The following MACROD2 variants were observed in gnomAD, a reference collection of about 807,000 sequenced individuals.
The protein encoded by MACROD2 is ADP-ribose glycohydrolase MACROD2.
MACROD2 carries 36 observed loss-of-function variants against 70.4 expected under a neutral mutation model. The ratio of observed to expected loss-of-function variants is 0.51; its 90% confidence interval spans 0.39 to 0.68. The LOEUF (loss-of-function observed/expected upper bound fraction) is 0.68, where lower values mean the gene tolerates loss of function less well. Ranked by LOEUF, MACROD2 falls within the 30% of genes least tolerant of loss-of-function variation. The pLI is 0.00. For synonymous variants in MACROD2, 172 were observed against 178.8 expected, an observed-to-expected ratio of 0.96 and a Z score of 0.30; for missense variants, 496 against 538.4, an observed-to-expected ratio of 0.92 and a Z score of 0.78.
At chr20:14,169,913 A>G (rs551483987) in intron 3 of MACROD2, among the ~76,000 whole-genome samples, 1 of 151,772 alleles carries the variant, frequency 6.6e-6, no homozygotes, top group Admixed American at 6.6e-5. Context: ...TATCCCCCCA[A>G]GACAGAGTCT....
intron 3 of MACROD2, among the ~76,000 whole-genome samples, chr20:14,181,854 A>T (rs1248533007): frequency 1.3e-5 from 2 of 152,198 alleles, no homozygotes; most frequent in Non-Finnish European, 2.9e-5. Context: ...CTATTCTATT[A>T]TATGGCTATA....
chr20:14,762,575 A>G (rs1284160394), intron 5 of MACROD2, among the ~76,000 whole-genome samples: 1 of 152,068 alleles, frequency 6.6e-6, no homozygotes, highest in African/African-American at 2.4e-5. Context: ...CTTAGGGTAA[A>G]CTCCGCAAAA....
At chr20:14,955,294 A>G (rs1033933099) in intron 5 of MACROD2, among the ~76,000 whole-genome samples, 15 of 142,094 alleles carry the variant, frequency 1.1e-4, no homozygotes, top group Non-Finnish European at 2.0e-4. Context: ...TTTATATAAT[A>G]TAATATAATT....
chr20:15,352,022 T>G (rs2078232732), intron 6 of MACROD2, among the ~76,000 whole-genome samples: 1 of 152,168 alleles, frequency 6.6e-6, no homozygotes. Flanking sequence ...ACTCTGTTAG[T>G]TGGTGTTGGG....
chr20:15,460,200 C>A (rs2046788633), intron 7 of MACROD2, among the ~76,000 whole-genome samples: 1 of 152,144 alleles, frequency 6.6e-6, no homozygotes, highest in East Asian at 1.9e-4. Context: ...ATGGATAAAA[C>A]AAGACCCCAG....
In MACROD2 at chr20:15,000,539, C is replaced by G. The variant is rs374220388; in HGVS notation, c.419-229401C>G. On this transcript the variant is annotated intron_variant, in intron 5 of 17. Transcript: ENST00000684519. ...TGGGGAGGCTGAGGCAGGAGAATGG[C>G]GTGAACCCGGGAAGCGGAGCTTGCA... Among the ~76,000 whole-genome samples the G allele has an allele frequency of 5.5e-4, 72 of 131,270 alleles. 2 individuals carry two copies. The Middle Eastern group carries it at 0.015, about 28-fold the overall frequency. The allele number at this position is 131,270 out of a possible 152,430, so 86.1% of individuals were successfully genotyped here. A position where few individuals can be genotyped will look rare whatever the true frequency, so the allele number is the denominator to read the frequency against.
intron 5 of MACROD2, among the ~76,000 whole-genome samples, chr20:15,131,757 C>T (rs1280836787): frequency 6.6e-6 from 1 of 151,850 alleles, no homozygotes; most frequent in Non-Finnish European, 1.5e-5. Context: ...AAGGGGAAAA[C>T]ATGTATGTAA....
At chr20:15,826,904 C>A (rs1374283756) in intron 8 of MACROD2, among the ~76,000 whole-genome samples, 1 of 152,126 alleles carries the variant, frequency 6.6e-6, no homozygotes, top group Non-Finnish European at 1.5e-5. Context: ...GCTCTTACAG[C>A]ATTAACATAT....
chr20:15,670,543 A>G lies in MACROD2; in HGVS notation c.645+170696A>G, dbSNP rs574131263. ...CCTCCTGATTGCCTGTTGCTGTGGC[A>G]TATCTTCACAAATTCATTTTTCATA... On this transcript the variant is annotated intron_variant, in intron 8 of 17. Transcript: ENST00000684519. 2.5e-4 allele frequency among the ~76,000 whole-genome samples: 38 copies of G among 152,334 alleles called. No individual in the cohort carries two copies. In the South Asian group the frequency reaches 7.0e-3, roughly 28 times the overall value.
chr20:15,820,236 C>A (rs1600945422), intron 8 of MACROD2, among the ~76,000 whole-genome samples: 1 of 152,068 alleles, frequency 6.6e-6, no homozygotes, highest in Non-Finnish European at 1.5e-5. Flanking sequence ...TGCTCTGTTA[C>A]CCAGGCTGAA....
intron 3 of MACROD2, among the ~76,000 whole-genome samples, chr20:14,392,312 C>T (rs1451758858): frequency 2.6e-5 from 4 of 152,020 alleles, no homozygotes; most frequent in South Asian, 2.1e-4. Flanking sequence ...CTCCTTCCTT[C>T]GTTCCTTTTA....
chr20:15,855,467 C>T (rs2147153358), intron 8 of MACROD2, among the ~76,000 whole-genome samples: 1 of 152,198 alleles, frequency 6.6e-6, no homozygotes, highest in African/African-American at 2.4e-5. Flanking sequence ...CTGAGGTCAA[C>T]AAAAATAGAT....
At position 14,771,297 on chromosome 20, in the gene MACROD2, G is replaced by A. The variant is rs150650357; in HGVS notation, c.418+86338G>A. On this transcript the variant is annotated intron_variant, in intron 5 of 17. Coordinates refer to ENST00000684519, the MANE Select transcript of MACROD2 (RefSeq NM_001351661.2). Reference sequence around the variant, plus strand: ...GGAGTTTTTTAACCTCCATAATTACGGTAGCCAATTTCTATTGGCTTTGCT... The same window carrying A: ...GGAGTTTTTTAACCTCCATAATTACAGTAGCCAATTTCTATTGGCTTTGCT... Among the ~76,000 whole-genome samples the A allele has an allele frequency of 1.6e-3, 237 of 151,944 alleles. 2 individuals carry two copies. Among genetic ancestry groups the A allele is most frequent in the African/African-American group, 5.2e-3 (217 of 41,410 alleles).
chr20:15,441,227 T>C (rs959850108), intron 7 of MACROD2, among the ~76,000 whole-genome samples: 1 of 152,128 alleles, frequency 6.6e-6, no homozygotes, highest in Non-Finnish European at 1.5e-5. Flanking sequence ...CCAGAAAATA[T>C]GGTACAGACT....
At chr20:15,268,716 T>A (rs2077319380) in intron 6 of MACROD2, among the ~76,000 whole-genome samples, 1 of 152,190 alleles carries the variant, frequency 6.6e-6, no homozygotes. Flanking sequence ...GAACTGTGTT[T>A]ATTTGTGTGA....
chr20:14,959,624 C>T (rs1000268177), intron 5 of MACROD2, among the ~76,000 whole-genome samples: 2 of 152,310 alleles, frequency 1.3e-5, no homozygotes, highest in Non-Finnish European at 2.9e-5. Context: ...ATGTACAACT[C>T]TAGGGACGGG....
chr20:15,255,262 G>T (rs1160006019), intron 6 of MACROD2, among the ~76,000 whole-genome samples: 1 of 151,912 alleles, frequency 6.6e-6, no homozygotes, highest in Non-Finnish European at 1.5e-5. Context: ...AATAAAGAGG[G>T]ATATCATTGA....
At chr20:16,002,324 C>G (rs1030263123) in intron 15 of MACROD2, among the ~76,000 whole-genome samples, 1 of 152,124 alleles carries the variant, frequency 6.6e-6, no homozygotes, top group Admixed American at 6.5e-5. Context: ...TGTCCTCATC[C>G]TAATCCCAGG....
chr20:15,765,302 C>T (rs2051504525), intron 8 of MACROD2, among the ~76,000 whole-genome samples: 2 of 152,186 alleles, frequency 1.3e-5, no homozygotes, highest in Non-Finnish European at 2.9e-5. Flanking sequence ...ATACTGAGCT[C>T]AGAGCTCTGT....
Sources: allele counts gnomAD v4.1 joint callset (sites outside exome capture counted in the v4.1 genomes callset), GRCh38; gene constraint gnomAD v4.1.1; transcripts MANE v1.5; gene names NCBI Gene and HGNC (gene_info 2026-07-23, HGNC 2026-07-21).